Variants in UBE2V1 observed in about 807,000 individuals in gnomAD.
UBE2V1 encodes the protein ubiquitin-conjugating enzyme E2 variant 1.
Under a neutral mutation model 19.6 loss-of-function variants are expected in UBE2V1, and 15 were observed. That is an observed-to-expected ratio of 0.77 (90% CI 0.51 to 1.18). The LOEUF (loss-of-function observed/expected upper bound fraction) is 1.18, where lower values mean the gene tolerates loss of function less well. UBE2V1 is among the 50% of genes most tolerant of loss of function. The pLI, the probability that UBE2V1 is intolerant of heterozygous loss-of-function variation, is 0.00. For missense variants in UBE2V1, 125 were observed against 184.8 expected, an observed-to-expected ratio of 0.68 and a Z score of 1.88; for synonymous variants, 60 against 60.7, an observed-to-expected ratio of 0.99 and a Z score of 0.05.
Position 50,098,315 on chromosome 20 carries a change from A to G in UBE2V1, c.23-1495T>C, listed in dbSNP as rs1457514153. On this transcript the variant is annotated intron_variant, in intron 1 of 3. Transcript: ENST00000371674. ...GCTCAAACCAAGTGAGGAAGATGAGAGAGCAAGAGGAGATTAAGGATGCCA... is the reference window on the plus strand; with the variant it reads ...GCTCAAACCAAGTGAGGAAGATGAGGGAGCAAGAGGAGATTAAGGATGCCA... Among the ~76,000 whole-genome samples, 3 of 152,210 alleles carry G rather than the reference A, an allele frequency of 2.0e-5. No homozygotes were observed. In the East Asian group the frequency reaches 5.8e-4, roughly 29 times the overall value.
At chr20:50,108,906 A>G (rs770411533) in intron 1 of UBE2V1, 35 of 983,360 alleles carry the variant, frequency 3.6e-5, no homozygotes, top group Non-Finnish European at 4.2e-5. Flanking sequence ...ACTTCTTACT[A>G]AAGCCCTTTC....
intron 1 of UBE2V1, among the ~76,000 whole-genome samples, chr20:50,101,918 A>G (rs188096942): frequency 6.0e-4 from 91 of 152,362 alleles, no homozygotes; most frequent in East Asian, 5.8e-4. Flanking sequence ...GAGGGCTCAC[A>G]GCCTTCTCTG....
chr20:50,086,459 G>GA (rs201298728), intron 2 of UBE2V1, among the ~76,000 whole-genome samples: 4,005 of 145,840 alleles, frequency 0.027, 77 homozygotes, highest in Middle Eastern at 0.056. Context: ...TTTCCTCAAA[G>GA]AAAAAAAAAA....
intron 2 of UBE2V1, among the ~76,000 whole-genome samples, chr20:50,095,605 C>T (rs956492224): frequency 3.9e-5 from 6 of 152,220 alleles, no homozygotes; most frequent in South Asian, 2.1e-4. Flanking sequence ...GCCCGGGCCA[C>T]GCCCTACATG....
At chr20:50,084,040 G>A in intron 3 of UBE2V1, 89 bp downstream of exon 3, 4 of 1,508,488 alleles carry the variant, frequency 2.7e-6, no homozygotes, top group Non-Finnish European at 3.5e-6. Context: ...AAAGAACCTA[G>A]GAATTGGGCC....
In UBE2V1 at chr20:50,098,053, T is replaced by C. The variant is rs997745828; in HGVS notation, c.23-1233A>G. Among the ~76,000 whole-genome samples, 23 of 152,340 alleles carry C rather than the reference T, an allele frequency of 1.5e-4. 1 individual carries two copies. Among genetic ancestry groups the C allele is most frequent in the East Asian group, 1.2e-3 (6 of 5,196 alleles). On this transcript the variant is annotated intron_variant, in intron 1 of 3. Coordinates refer to ENST00000371674, the MANE Select transcript of UBE2V1 (RefSeq NM_001032288.3). Reference sequence around the variant, plus strand: ...AAATGAATATGTAAATTATACAGTATGACAGATCCTGGTGTTCCGGAGGAG... The same window carrying C: ...AAATGAATATGTAAATTATACAGTACGACAGATCCTGGTGTTCCGGAGGAG...
At position 50,082,530 on chromosome 20, in the gene UBE2V1, C is replaced by G; in HGVS notation, c.*238G>C. On this transcript the variant is annotated 3_prime_UTR_variant, in exon 4 of 4. Coordinates refer to ENST00000371674, the MANE Select transcript of UBE2V1 (RefSeq NM_001032288.3). ...TTTCTTGATCCCAGAAGTTCAACTA[C>G]GTGGACAGTGGTTACACTTGACAGG... is the stretch of plus-strand genomic sequence containing the variant. The G allele has an allele frequency of 1.6e-6, 1 of 637,648 alleles. No individual in the cohort carries two copies. Among genetic ancestry groups the G allele is most frequent in the South Asian group, 2.6e-5 (1 of 38,588 alleles). The allele number at this position is 637,648 out of a possible 1,614,324, so 39.5% of individuals were successfully genotyped here.
upstream of UBE2V1, among the ~76,000 whole-genome samples, chr20:50,113,703 GGT>G (rs1462541707): frequency 2.0e-5 from 3 of 152,146 alleles, no homozygotes; most frequent in Non-Finnish European, 2.9e-5. Flanking sequence ...GCTTGGAGTG[GGT>G]GCAGCTAAAT....
At chr20:50,085,958 C>T (rs1056070255) in intron 2 of UBE2V1, among the ~76,000 whole-genome samples, 3 of 152,140 alleles carry the variant, frequency 2.0e-5, no homozygotes, top group Admixed American at 6.5e-5. Context: ...CTGAAAGAGA[C>T]CCCATATCCA....
chr20:50,089,025 C>T (rs1433412164), intron 2 of UBE2V1, among the ~76,000 whole-genome samples: 1 of 151,956 alleles, frequency 6.6e-6, no homozygotes, highest in Non-Finnish European at 1.5e-5. Flanking sequence ...GGGGATATGG[C>T]AGTTAGGGAT....
chr20:50,104,483 C>T, intron 1 of UBE2V1: 1 of 368,556 alleles, frequency 2.7e-6, no homozygotes, highest in Non-Finnish European at 3.7e-6. Flanking sequence ...CGGTGAAACC[C>T]CGTCTCTACT....
intron 2 of UBE2V1, among the ~76,000 whole-genome samples, chr20:50,091,235 T>C (rs931232827): frequency 1.3e-5 from 2 of 151,556 alleles, no homozygotes; most frequent in South Asian, 2.1e-4. Flanking sequence ...TTAGTAGAGA[T>C]GGGGTTTCAA....
chr20:50,088,293 T>A (rs1487879579), intron 2 of UBE2V1, among the ~76,000 whole-genome samples: 1 of 151,972 alleles, frequency 6.6e-6, no homozygotes, highest in Non-Finnish European at 1.5e-5. Context: ...AAAAAACAGA[T>A]ATAAGTAAAA....
intron 2 of UBE2V1, among the ~76,000 whole-genome samples, chr20:50,093,515 T>C (rs1480108397): frequency 2.0e-5 from 3 of 152,014 alleles, no homozygotes; most frequent in Non-Finnish European, 4.4e-5. Context: ...ACTACAAGGG[T>C]GAAAAGACAA....
chr20:50,107,935 G>C (rs920210399), intron 1 of UBE2V1, among the ~76,000 whole-genome samples: 1 of 152,192 alleles, frequency 6.6e-6, no homozygotes, highest in Non-Finnish European at 1.5e-5. Flanking sequence ...GCTCAGGGAC[G>C]GCCTTTCTGG....
intron 1 of UBE2V1, among the ~76,000 whole-genome samples, chr20:50,103,871 C>T (rs1280752919): frequency 6.6e-6 from 1 of 150,862 alleles, no homozygotes; most frequent in East Asian, 1.9e-4. Context: ...TTGTCTGACT[C>T]ACTCTCTAAG....
intron 1 of UBE2V1, among the ~76,000 whole-genome samples, chr20:50,104,550 G>A (rs1420700767): frequency 2.0e-5 from 3 of 148,354 alleles, no homozygotes; most frequent in African/African-American, 7.4e-5. Flanking sequence ...CCAGCTACTC[G>A]GGAGGCTGAG....
At chr20:50,113,774 C>A (rs1403735866), upstream of UBE2V1, among the ~76,000 whole-genome samples, 2 of 115,530 alleles carry the variant, frequency 1.7e-5, no homozygotes, top group Non-Finnish European at 3.3e-5. Context: ...CCAATTCATT[C>A]ATTCATTCAT....
At chr20:50,113,052 C>G in intron 1 of UBE2V1, 55 bp downstream of exon 1, 3 of 781,616 alleles carry the variant, frequency 3.8e-6, no homozygotes, top group Non-Finnish European at 5.4e-6. Context: ...GGGTCCCCGG[C>G]CCCCGGCCCA....
Sources: gnomAD v4.1 joint callset for allele counts (sites outside exome capture counted in the v4.1 genomes callset) on GRCh38, gnomAD v4.1.1 for gene constraint, MANE v1.5 for transcripts, NCBI Gene and HGNC (gene_info 2026-07-23, HGNC 2026-07-21) for gene names.